The following CFAP299 variants were observed in gnomAD, a reference collection of about 807,000 sequenced individuals.
The protein encoded by CFAP299 is cilia and flagella associated protein 299.
CFAP299 carries 21 observed loss-of-function variants against 27.0 expected under a neutral mutation model. That is an observed-to-expected ratio of 0.78 (90% CI 0.55 to 1.12). The LOEUF (loss-of-function observed/expected upper bound fraction) is 1.12. Among genes scored for constraint, CFAP299 ranks in the 50% most tolerant of loss-of-function variants. The pLI, the probability that CFAP299 is intolerant of heterozygous loss-of-function variation, is 0.00. For synonymous variants in CFAP299, 104 were observed against 98.1 expected (o/e 1.06, Z -0.36); for missense variants, 310 against 276.6 (o/e 1.12, Z -0.86).
At chr4:80,854,157 A>G (rs912196506) in intron 3 of CFAP299, among the ~76,000 whole-genome samples, 1 of 152,214 alleles carries the variant, frequency 6.6e-6, no homozygotes, top group Non-Finnish European at 1.5e-5. Flanking sequence ...ATGCAGATGA[A>G]GAAGACATTT....
At chr4:80,707,267 G>T (rs1721876903) in intron 3 of CFAP299, among the ~76,000 whole-genome samples, 1 of 151,904 alleles carries the variant, frequency 6.6e-6, no homozygotes, top group Non-Finnish European at 1.5e-5. Context: ...CCCATGAGAT[G>T]AGACTGGTTT....
intron 3 of CFAP299, among the ~76,000 whole-genome samples, chr4:80,668,500 A>G (rs1741257524): frequency 1.3e-5 from 2 of 152,034 alleles, no homozygotes; most frequent in South Asian, 4.1e-4. Context: ...GTGAAGATCT[A>G]GTTTTATTCT....
intron 4 of CFAP299, among the ~76,000 whole-genome samples, chr4:80,884,653 CCA>C (rs1491115874): frequency 2.7e-4 from 3 of 11,232 alleles, no homozygotes; most frequent in Non-Finnish European, 6.8e-4. Context: ...ATAGCGAATA[CCA>C]AAAAAAAAAA....
At chr4:80,663,963 C>A (rs1741004777) in intron 3 of CFAP299, among the ~76,000 whole-genome samples, 2 of 152,024 alleles carry the variant, frequency 1.3e-5, no homozygotes, top group Non-Finnish European at 2.9e-5. Flanking sequence ...ATACCCTTTG[C>A]CCACTTTTTG....
chr4:80,411,040 G>A (rs570335543), intron 2 of CFAP299, among the ~76,000 whole-genome samples: 24 of 152,230 alleles, frequency 1.6e-4, no homozygotes, highest in African/African-American at 5.5e-4. Flanking sequence ...TGTATTATAC[G>A]TGTCATAATT....
intron 3 of CFAP299, among the ~76,000 whole-genome samples, chr4:80,856,766 T>C (rs1731923513): frequency 6.6e-6 from 1 of 152,048 alleles, no homozygotes; most frequent in Admixed American, 6.5e-5. Flanking sequence ...GATCTATATC[T>C]CTGTTTTGGT....
intron 3 of CFAP299, among the ~76,000 whole-genome samples, chr4:80,821,732 G>T (rs1729717297): frequency 6.6e-6 from 1 of 152,086 alleles, no homozygotes; most frequent in African/African-American, 2.4e-5. Context: ...TGTTACTGAT[G>T]GCCGGCTGGG....
At chr4:80,761,335 T>G (rs1560737947) in intron 3 of CFAP299, among the ~76,000 whole-genome samples, 1 of 152,128 alleles carries the variant, frequency 6.6e-6, no homozygotes, top group Non-Finnish European at 1.5e-5. Flanking sequence ...TATTGTGGTA[T>G]TTGTTTTCAT....
At chr4:80,739,583 G>A (rs1213700003) in intron 3 of CFAP299, among the ~76,000 whole-genome samples, 1 of 151,626 alleles carries the variant, frequency 6.6e-6, no homozygotes, top group Non-Finnish European at 1.5e-5. Flanking sequence ...TATGTTATTT[G>A]TTTCTTTTCT....
chr4:80,881,451 T>C (rs1042404409), intron 4 of CFAP299, among the ~76,000 whole-genome samples: 1 of 152,144 alleles, frequency 6.6e-6, no homozygotes, highest in Non-Finnish European at 1.5e-5. Flanking sequence ...GTCTTATAGC[T>C]GGCACTGCTC....
chr4:80,636,749 G>A lies in CFAP299; in HGVS notation c.333+53566G>A, dbSNP rs373730848. On this transcript the variant is annotated intron_variant, in intron 3 of 5. Transcript: ENST00000358105. The stretch of plus-strand genomic sequence containing the variant: ...CTACCTAATGTTTTATCGGTACTCA[G>A]CTGTACTCATTCATTTACCTATTTT... 7.9e-5 allele frequency among the ~76,000 whole-genome samples: 12 copies of A among 152,244 alleles called. No homozygotes were observed. In the East Asian group the frequency reaches 1.2e-3, roughly 15 times the overall value.
intron 2 of CFAP299, among the ~76,000 whole-genome samples, chr4:80,420,711 A>G (rs559545860): frequency 8.7e-4 from 133 of 152,032 alleles, no homozygotes; most frequent in African/African-American, 3.0e-3. Context: ...CCCAGTCTGG[A>G]GTTTGTCTGT....
At chr4:80,628,171 T>C (rs2109941671) in intron 3 of CFAP299, among the ~76,000 whole-genome samples, 1 of 152,094 alleles carries the variant, frequency 6.6e-6, no homozygotes, top group East Asian at 1.9e-4. Flanking sequence ...AGCACAGAAA[T>C]AAATCCATGC....
intron 3 of CFAP299, among the ~76,000 whole-genome samples, chr4:80,676,163 A>G (rs552594029): frequency 3.8e-4 from 58 of 152,324 alleles, no homozygotes; most frequent in African/African-American, 1.3e-3. Context: ...CTATTCGGCC[A>G]TCTTGGAATG....
chr4:80,939,753 C>T (rs952045489), intron 4 of CFAP299, among the ~76,000 whole-genome samples: 2 of 152,144 alleles, frequency 1.3e-5, no homozygotes, highest in Admixed American at 6.5e-5. Context: ...GAAGCAGTCA[C>T]ATTTTCAAGT....
At chr4:80,958,616 A>G (rs1738182783) in intron 5 of CFAP299, among the ~76,000 whole-genome samples, 1 of 152,200 alleles carries the variant, frequency 6.6e-6, no homozygotes, top group Non-Finnish European at 1.5e-5. Context: ...AAACGTTAAG[A>G]CAATATCAAC....
Position 80,413,651 on chromosome 4 carries a change from A to G in CFAP299, c.242+50767A>G, listed in dbSNP as rs1038336878. The stretch of plus-strand genomic sequence containing the variant: ...TTTTCGTCTGTGTCTCACGAGGCAC[A>G]AGAGTCCAAGACCTCAAAGTCGGGA... On this transcript the variant is annotated intron_variant, in intron 2 of 5. Transcript: ENST00000358105. Among the ~76,000 whole-genome samples the G allele has an allele frequency of 3.3e-5, 5 of 152,154 alleles. No individual in the cohort carries two copies. In the East Asian group the frequency reaches 5.8e-4, roughly 18 times the overall value.
In CFAP299 at chr4:80,871,458, G is replaced by C. The variant is rs560248418; in HGVS notation, c.476+1323G>C. 201 of 985,324 alleles carry C rather than the reference G, an allele frequency of 2.0e-4. No homozygotes were observed. In the African/African-American group the frequency reaches 3.3e-3, roughly 16 times the overall value. 61.0% of individuals were successfully genotyped at this position (985,324 alleles called of 1,614,324 possible). ...TGGATTGCTGTGCTAATAACTTATG[G>C]TTTCCAAACTCAATTGAGTCCTTTA... On this transcript the variant is annotated intron_variant, in intron 4 of 5. Coordinates refer to ENST00000358105, the MANE Select transcript of CFAP299 (RefSeq NM_152770.3).
At chr4:80,716,091 A>G (rs1215856608) in intron 3 of CFAP299, among the ~76,000 whole-genome samples, 1 of 152,076 alleles carries the variant, frequency 6.6e-6, no homozygotes, top group African/African-American at 2.4e-5. Context: ...CCTAAAAGCT[A>G]TAAACCCACA....
Sources: gnomAD v4.1 joint callset for allele counts (sites outside exome capture counted in the v4.1 genomes callset) on GRCh38, gnomAD v4.1.1 for gene constraint, MANE v1.5 for transcripts, NCBI Gene and HGNC (gene_info 2026-07-23, HGNC 2026-07-21) for gene names.